Variants in ASTN2 observed in about 807,000 individuals in gnomAD.
ASTN2 encodes astrotactin-2.
In ASTN2, 54 loss-of-function variants were observed where a neutral mutation model predicts 139.8. That is an observed-to-expected ratio of 0.39 (90% CI 0.31 to 0.48). The LOEUF (loss-of-function observed/expected upper bound fraction) is 0.48. Among genes scored for constraint, ASTN2 ranks in the 20% least tolerant of loss-of-function variants. ASTN2 has a pLI of 0.95. For synonymous variants in ASTN2, 756 were observed against 719.5 expected, an observed-to-expected ratio of 1.05 and a Z score of -0.81; for missense variants, 1,565 against 1,725.1, an observed-to-expected ratio of 0.91 and a Z score of 1.64.
intron 2 of ASTN2, among the ~76,000 whole-genome samples, chr9:117,277,703 G>T (rs1834227764): frequency 6.6e-6 from 1 of 152,148 alleles, no homozygotes; most frequent in Non-Finnish European, 1.5e-5. Flanking sequence ...TTAGAATCAT[G>T]ACACTTGGTT....
intron 19 of ASTN2, among the ~76,000 whole-genome samples, chr9:116,521,908 A>C (rs1173729065): frequency 3.9e-5 from 6 of 152,196 alleles, no homozygotes; most frequent in Non-Finnish European, 7.3e-5. Context: ...CGAGCATATA[A>C]AAAATGCTCA....
intron 19 of ASTN2, among the ~76,000 whole-genome samples, chr9:116,501,994 A>C (rs1849872765): frequency 6.6e-6 from 1 of 152,012 alleles, no homozygotes; most frequent in Non-Finnish European, 1.5e-5. Flanking sequence ...CCTGGAGGCA[A>C]CAAGCCTCCA....
chr9:116,685,476 G>A (rs1252983653), intron 16 of ASTN2, among the ~76,000 whole-genome samples: 4 of 152,136 alleles, frequency 2.6e-5, no homozygotes, highest in Non-Finnish European at 5.9e-5. Context: ...CAGTGGGCAA[G>A]GTAAACTCCT....
intron 13 of ASTN2, among the ~76,000 whole-genome samples, chr9:116,746,648 T>A (rs969948996): frequency 6.6e-6 from 1 of 152,172 alleles, no homozygotes; most frequent in African/African-American, 2.4e-5. Context: ...CATTCTAGGT[T>A]TTTTTCTTTT....
intron 22 of ASTN2, among the ~76,000 whole-genome samples, chr9:116,427,136 G>A (rs887873251): frequency 6.6e-5 from 10 of 152,190 alleles, no homozygotes; most frequent in African/African-American, 2.2e-4. Flanking sequence ...TGGCATTATC[G>A]ACATTCTGGG....
intron 13 of ASTN2, among the ~76,000 whole-genome samples, chr9:116,796,678 G>T (rs1830698804): frequency 1.3e-5 from 2 of 152,124 alleles, no homozygotes; most frequent in African/African-American, 2.4e-5. Context: ...GGGAGGCAAG[G>T]ACTAAAGGGC....
intron 19 of ASTN2, chr9:116,582,279 A>G (rs1158116098): frequency 6.6e-6 from 1 of 152,220 alleles, no homozygotes; most frequent in Non-Finnish European, 1.5e-5. Context: ...AAGGTTTGTA[A>G]GACTGTATTA....
chr9:117,181,012 T>G, intron 3 of ASTN2: 1 of 1,592,558 alleles, frequency 6.3e-7, no homozygotes, highest in Non-Finnish European at 8.5e-7. Flanking sequence ...CATGCCTGTT[T>G]GGAGCCTGCA....
At chr9:116,565,139 T>A (rs1263143676) in intron 19 of ASTN2, among the ~76,000 whole-genome samples, 1 of 150,858 alleles carries the variant, frequency 6.6e-6, no homozygotes, top group East Asian at 1.9e-4. Context: ...ATGTTTTCCA[T>A]CCCAACCTAG....
chr9:117,037,094 C>T (rs1164271933), intron 6 of ASTN2, among the ~76,000 whole-genome samples: 1 of 151,992 alleles, frequency 6.6e-6, no homozygotes, highest in African/African-American at 2.4e-5. Flanking sequence ...TGCTGAATAT[C>T]CATTATGGAC....
intron 1 of ASTN2, among the ~76,000 whole-genome samples, chr9:117,398,064 TTC>T (rs1353019897): frequency 6.6e-5 from 10 of 152,288 alleles, no homozygotes; most frequent in Non-Finnish European, 8.8e-5. Flanking sequence ...GTACGAATGT[TTC>T]TGTTACATAT....
At chr9:116,801,493 C>G (rs1363418254) in intron 13 of ASTN2, among the ~76,000 whole-genome samples, 2 of 141,034 alleles carry the variant, frequency 1.4e-5, no homozygotes, top group Non-Finnish European at 3.0e-5. Flanking sequence ...GCAGGAGAAT[C>G]GCGTGAACCT....
Position 116,574,528 on chromosome 9 carries a change from A to C in ASTN2, c.3355+43796T>G, listed in dbSNP as rs1853646549. ...GCAAAGAGAAAGCTGCCTGCATTTG[A>C]GATAAGCTGAATAAACAGCTCACTG... On this transcript the variant is annotated intron_variant, in intron 19 of 22. Coordinates refer to ENST00000313400, the MANE Select transcript of ASTN2 (RefSeq NM_001365068.1). Among the ~76,000 whole-genome samples, 2 of 152,226 alleles carry C rather than the reference A, an allele frequency of 1.3e-5. 1 individual carries two copies. Among genetic ancestry groups the C allele is most frequent in the South Asian group, 4.1e-4 (2 of 4,830 alleles).
Position 116,938,366 on chromosome 9 carries a change from A to G in ASTN2, c.1889+36842T>C, listed in dbSNP as rs151273529. ...ATCAGAACAGAATCCTGGTTTCCTG[A>G]TGGTGGAGACTTTTCCTTGTTACTC... On this transcript the variant is annotated intron_variant, in intron 10 of 22. Coordinates refer to ENST00000313400, the MANE Select transcript of ASTN2 (RefSeq NM_001365068.1). Among the ~76,000 whole-genome samples, 299 of 152,260 alleles carry G rather than the reference A, an allele frequency of 2.0e-3. 3 individuals carry two copies. The highest frequency in any genetic ancestry group is 7.1e-3 in the African/African-American group (294 of 41,544).
At chr9:117,362,462 C>A (rs539803746) in intron 1 of ASTN2, among the ~76,000 whole-genome samples, 14 of 152,194 alleles carry the variant, frequency 9.2e-5, no homozygotes, top group Non-Finnish European at 2.9e-5. Flanking sequence ...GATCAGTGGG[C>A]AGGTAAGGGA....
In ASTN2 at chr9:116,424,580, G is replaced by A. The variant is rs1847255502; in HGVS notation, c.*1271C>T. Among the ~76,000 whole-genome samples, 1 of 140,194 alleles carries A rather than the reference G, an allele frequency of 7.1e-6. No homozygotes were observed. The highest frequency in any genetic ancestry group is 2.7e-5 in the African/African-American group (1 of 37,690). 92.0% of individuals were successfully genotyped at this position (140,194 alleles called of 152,430 possible). A position where few individuals can be genotyped will look rare whatever the true frequency, so the allele number is the denominator to read the frequency against. ...CTTTTGTTCATATCTCTTCTTCCTG[G>A]AGCAAATTCCATCTTTTTTTTTTTT... On this transcript the variant is annotated 3_prime_UTR_variant, in exon 23 of 23. Coordinates refer to ENST00000313400, the MANE Select transcript of ASTN2 (RefSeq NM_001365068.1).
At chr9:117,293,136 C>T (rs1462651014) in intron 1 of ASTN2, among the ~76,000 whole-genome samples, 1 of 152,102 alleles carries the variant, frequency 6.6e-6, no homozygotes, top group Non-Finnish European at 1.5e-5. Flanking sequence ...CCATCCTTGA[C>T]AGCTTGCTTT....
At chr9:116,515,152 T>A (rs1271156457) in intron 19 of ASTN2, among the ~76,000 whole-genome samples, 1 of 152,188 alleles carries the variant, frequency 6.6e-6, no homozygotes, top group Non-Finnish European at 1.5e-5. Context: ...TATCTCTGAA[T>A]TTTTAAACAT....
chr9:116,467,434 T>C (rs1479654300), intron 20 of ASTN2, among the ~76,000 whole-genome samples: 1 of 152,148 alleles, frequency 6.6e-6, no homozygotes, highest in Non-Finnish European at 1.5e-5. Flanking sequence ...TTCCAGCTAA[T>C]TTTTGTATTT....
Sources: gnomAD v4.1 joint callset for allele counts (sites outside exome capture counted in the v4.1 genomes callset) on GRCh38, gnomAD v4.1.1 for gene constraint, MANE v1.5 for transcripts, NCBI Gene and HGNC (gene_info 2026-07-23, HGNC 2026-07-21) for gene names.